The following TENM3 variants were observed in gnomAD, a reference collection of about 807,000 sequenced individuals.
TENM3 encodes teneurin-3.
Under a neutral mutation model 255.1 loss-of-function variants are expected in TENM3, and 63 were observed. The observed-to-expected ratio is 0.25, with a 90% confidence interval of 0.20 to 0.30. The LOEUF is 0.30. Among genes scored for constraint, TENM3 ranks in the 10% least tolerant of loss-of-function variants. The pLI is 1.00. For synonymous variants in TENM3, 1,306 were observed against 1,322.3 expected, an observed-to-expected ratio of 0.99 and a Z score of 0.27; for missense variants, 2,929 against 3,461.1, an observed-to-expected ratio of 0.85 and a Z score of 3.86.
At chr4:182,339,490 C>G (rs1459263551) in intron 2 of TENM3, among the ~76,000 whole-genome samples, 1 of 152,208 alleles carries the variant, frequency 6.6e-6, no homozygotes, top group Admixed American at 6.5e-5. Context: ...GGGCTTCTTT[C>G]AGGCTCGGCA....
chr4:181,973,201 G>T, the TENM3 span, among the ~76,000 whole-genome samples: 2 of 152,254 alleles, frequency 1.3e-5, no homozygotes, highest in South Asian at 4.1e-4. Context: ...AATTCTAAAT[G>T]TGTGCAAACA....
intron 3 of TENM3, among the ~76,000 whole-genome samples, chr4:182,571,136 T>C (rs1244370970): frequency 6.6e-6 from 1 of 152,210 alleles, no homozygotes; most frequent in Non-Finnish European, 1.5e-5. Context: ...ATAACTATTG[T>C]GCTTACTGTC....
At chr4:181,861,676 C>A in the TENM3 span, among the ~76,000 whole-genome samples, 68 of 152,172 alleles carry the variant, frequency 4.5e-4, no homozygotes, top group Non-Finnish European at 9.0e-4. Flanking sequence ...TTATTGATAG[C>A]ATTTAACATC....
chr4:182,044,905 C>T, the TENM3 span, among the ~76,000 whole-genome samples: 1 of 152,234 alleles, frequency 6.6e-6, no homozygotes, highest in East Asian at 1.9e-4. Flanking sequence ...CACTATCTAG[C>T]GCATAAGCAA....
chr4:181,867,073 G>A, the TENM3 span, among the ~76,000 whole-genome samples: 2,001 of 152,108 alleles, frequency 0.013, 29 homozygotes, highest in African/African-American at 0.032. Context: ...ATAATCCTCT[G>A]CTTCTCATCA....
chr4:181,526,567 G>T, the TENM3 span, among the ~76,000 whole-genome samples: 1 of 152,170 alleles, frequency 6.6e-6, no homozygotes, highest in African/African-American at 2.4e-5. Flanking sequence ...CATCTGGGGT[G>T]CCATAGTAGG....
chr4:182,779,222 A>C (rs1324564846), intron 24 of TENM3, among the ~76,000 whole-genome samples: 6 of 146,886 alleles, frequency 4.1e-5, no homozygotes, highest in African/African-American at 1.0e-4. Context: ...CCCACCCCAC[A>C]ACAGTCCCCA....
chr4:181,462,210 C>A, the TENM3 span, among the ~76,000 whole-genome samples: 1 of 152,258 alleles, frequency 6.6e-6, no homozygotes, highest in African/African-American at 2.4e-5. Flanking sequence ...CTCTTAGGAA[C>A]CCTGAGAAAT....
chr4:182,730,819 T>A (rs774813645), intron 15 of TENM3, 59 bp from the exon 16 acceptor site: 5 of 1,571,758 alleles, frequency 3.2e-6, no homozygotes, highest in Non-Finnish European at 4.4e-6. Context: ...TAAGGAGGTG[T>A]GTATTGGTAG....
At chr4:181,814,891 G>A in the TENM3 span, among the ~76,000 whole-genome samples, 3 of 151,732 alleles carry the variant, frequency 2.0e-5, no homozygotes, top group African/African-American at 7.3e-5. Flanking sequence ...AAGAACAAAA[G>A]TTCAAATAAT....
chr4:182,216,968 A>G (rs1478242212), intron 1 of TENM3, among the ~76,000 whole-genome samples: 1 of 150,310 alleles, frequency 6.7e-6, no homozygotes, highest in East Asian at 2.0e-4. Context: ...TAAATATCAT[A>G]ATGTATAAGT....
the TENM3 span, among the ~76,000 whole-genome samples, chr4:181,817,326 G>T: frequency 1.3e-4 from 20 of 152,124 alleles, no homozygotes; most frequent in African/African-American, 4.8e-4. Context: ...CAGTATCACT[G>T]GTAGCTATCC....
the TENM3 span, among the ~76,000 whole-genome samples, chr4:181,770,393 G>A: frequency 7.2e-5 from 11 of 152,136 alleles, no homozygotes; most frequent in African/African-American, 2.7e-4. Context: ...TGAGGAAGTT[G>A]GCCGGGCGTG....
intron 3 of TENM3, among the ~76,000 whole-genome samples, chr4:182,443,346 G>A (rs1185555018): frequency 1.3e-5 from 2 of 152,110 alleles, no homozygotes; most frequent in Admixed American, 6.5e-5. Context: ...ACTCCCTCTA[G>A]CTTGGCCACT....
chr4:182,425,158 G>T (rs1414743806), intron 3 of TENM3, among the ~76,000 whole-genome samples: 3 of 152,170 alleles, frequency 2.0e-5, no homozygotes, highest in Non-Finnish European at 4.4e-5. Context: ...CATCCTAGCT[G>T]CTGTGCTGTT....
chr4:181,966,542 C>A, the TENM3 span, among the ~76,000 whole-genome samples: 17 of 152,094 alleles, frequency 1.1e-4, no homozygotes, highest in African/African-American at 4.1e-4. Flanking sequence ...TCTGTCTTCC[C>A]CAAATAAAGC....
rs887554706 is a variant in TENM3 at position 182,671,375 on chromosome 4, G to T, written c.1112-1630G>T. Among the ~76,000 whole-genome samples the T allele has an allele frequency of 5.3e-5, 8 of 152,286 alleles. No individual in the cohort carries two copies. The East Asian group carries it at 1.4e-3, about 26-fold the overall frequency. ...TCTGCTGAGCCTCAACCTAACACCT[G>T]TCAAGTTCCACGGCCATGCTTGTGA... On this transcript the variant is annotated intron_variant, in intron 6 of 27. Transcript: ENST00000511685.
At chr4:182,029,266 C>T in the TENM3 span, among the ~76,000 whole-genome samples, 4 of 152,072 alleles carry the variant, frequency 2.6e-5, no homozygotes, top group Admixed American at 6.6e-5. Flanking sequence ...ATTTCCCCCT[C>T]TTGCTCCATG....
chr4:181,696,673 A>G, the TENM3 span, among the ~76,000 whole-genome samples: 1 of 152,230 alleles, frequency 6.6e-6, no homozygotes, highest in Non-Finnish European at 1.5e-5. Flanking sequence ...GGCCTGGCCC[A>G]TAAGACTGTA....
Sources: gnomAD v4.1 joint callset for allele counts (sites outside exome capture counted in the v4.1 genomes callset) on GRCh38, gnomAD v4.1.1 for gene constraint, MANE v1.5 for transcripts, NCBI Gene and HGNC (gene_info 2026-07-23, HGNC 2026-07-21) for gene names.